NALCN: variants seen among roughly 807,000 people sequenced by gnomAD.
NALCN encodes sodium leak channel, non-selective, also known as sodium leak channel NALCN.
NALCN carries 111 observed loss-of-function variants against 225.3 expected under a neutral mutation model. The ratio of observed to expected loss-of-function variants is 0.49; its 90% confidence interval spans 0.42 to 0.58. NALCN has a LOEUF of 0.58. NALCN is among the 20% of genes least tolerant of loss of function. NALCN has a pLI of 0.00. For synonymous variants in NALCN, 764 were observed against 769.0 expected (o/e 0.99, Z 0.11); for missense variants, 1,378 against 2,202.4 (o/e 0.63, Z 7.49).
intron 10 of NALCN, among the ~76,000 whole-genome samples, chr13:101,272,099 ATGTG>A (rs1428359832): frequency 1.3e-5 from 2 of 150,678 alleles, no homozygotes; most frequent in Non-Finnish European, 3.0e-5. Flanking sequence ...ACGAGTGTGC[ATGTG>A]TGTGTCTGTG....
intron 3 of NALCN, among the ~76,000 whole-genome samples, chr13:101,394,886 G>T (rs868835040): frequency 3.3e-5 from 5 of 152,284 alleles, no homozygotes; most frequent in Middle Eastern, 6.8e-3. Flanking sequence ...TGTGGGCTCA[G>T]CCCTAAGTGG....
chr13:101,073,321 G>A (rs2033026958), intron 37 of NALCN, among the ~76,000 whole-genome samples: 1 of 152,112 alleles, frequency 6.6e-6, no homozygotes, highest in Non-Finnish European at 1.5e-5. Context: ...AAATATTAAA[G>A]ATGGGAGGGA....
At chr13:101,320,634 C>T (rs1462134594) in intron 7 of NALCN, among the ~76,000 whole-genome samples, 3 of 152,024 alleles carry the variant, frequency 2.0e-5, no homozygotes, top group South Asian at 2.1e-4. Context: ...TTCAAGACAC[C>T]GAGTATAAGG....
At chr13:101,305,537 C>A (rs1015180953) in intron 7 of NALCN, among the ~76,000 whole-genome samples, 1 of 152,160 alleles carries the variant, frequency 6.6e-6, no homozygotes, top group Non-Finnish European at 1.5e-5. Flanking sequence ...GAATTCACAA[C>A]TACCTCATAC....
intron 18 of NALCN, among the ~76,000 whole-genome samples, chr13:101,119,880 C>A (rs763383180): frequency 6.6e-6 from 1 of 152,152 alleles, no homozygotes; most frequent in Non-Finnish European, 1.5e-5. Flanking sequence ...GAATCATCTG[C>A]ATTTTAGCAT....
intron 1 of NALCN, among the ~76,000 whole-genome samples, chr13:101,410,288 A>G (rs1283816710): frequency 6.6e-6 from 1 of 152,200 alleles, no homozygotes; most frequent in Admixed American, 6.5e-5. Context: ...CACCTCTCCC[A>G]TCACTGTTTC....
intron 17 of NALCN, among the ~76,000 whole-genome samples, chr13:101,137,299 A>T (rs571985028): frequency 5.3e-5 from 8 of 149,782 alleles, no homozygotes; most frequent in South Asian, 4.2e-4. Flanking sequence ...GCCATTATTT[A>T]AAAAAAAAAT....
Position 101,414,338 on chromosome 13 carries a change from AC to A in NALCN, c.-40+1974del, listed in dbSNP as rs571721286. 3.9e-5 allele frequency among the ~76,000 whole-genome samples: 6 copies of A among 152,110 alleles called. No homozygotes were observed. In the East Asian group the frequency reaches 1.2e-3, roughly 29 times the overall value. ...AGTTTATCTCTTTTTCTCACTCACC[AC>A]CCAGCTTCTGGCCCAGTGCTTAGCT... On this transcript the variant is annotated intron_variant, in intron 1 of 43. Coordinates refer to ENST00000251127, the MANE Select transcript of NALCN (RefSeq NM_052867.4).
In NALCN at chr13:101,059,881, G is replaced by A. The variant is rs146606676; in HGVS notation, c.4842C>T (p.Ile1614=). 3.7e-5 allele frequency: 59 copies of A among 1,613,862 alleles called. No individual in the cohort carries two copies. Among genetic ancestry groups the A allele is most frequent in the Non-Finnish European group, 4.4e-5 (52 of 1,180,028 alleles). ...ELSRFLNPPS[I]ETTQPSEDTN... is the part of the protein sequence containing the mutation. ...TGTCCTCACTGGGCTGGGTGGTCTC[G>A]ATGCTGGGCGGGTTCAGAAACCGGC... The change falls in exon 42 of 44, where the codon ATC becomes ATT. Residue 1614 remains isoleucine, a synonymous_variant. Coordinates refer to ENST00000251127, the MANE Select transcript of NALCN (RefSeq NM_052867.4).
At chr13:101,198,893 A>G (rs1380250945) in intron 13 of NALCN, among the ~76,000 whole-genome samples, 2 of 152,152 alleles carry the variant, frequency 1.3e-5, no homozygotes, top group Non-Finnish European at 2.9e-5. Flanking sequence ...AACCAACCCA[A>G]ATGTCCAACA....
At chr13:101,388,023 T>C (rs1423924986) in intron 3 of NALCN, among the ~76,000 whole-genome samples, 1 of 152,212 alleles carries the variant, frequency 6.6e-6, no homozygotes, top group African/African-American at 2.4e-5. Context: ...GTATCTGTTA[T>C]GACATGCATG....
At chr13:101,281,394 G>C (rs1434572260) in intron 10 of NALCN, among the ~76,000 whole-genome samples, 1 of 152,096 alleles carries the variant, frequency 6.6e-6, no homozygotes. Context: ...CACATAGTTG[G>C]TACTCAGTAA....
chr13:101,193,307 T>A (rs1440301490), intron 13 of NALCN, among the ~76,000 whole-genome samples: 2 of 152,140 alleles, frequency 1.3e-5, no homozygotes, highest in African/African-American at 4.8e-5. Context: ...GTAATCTAAG[T>A]ATAATTTTCA....
At chr13:101,265,171 C>A (rs140960870) in intron 10 of NALCN, among the ~76,000 whole-genome samples, 1 of 152,170 alleles carries the variant, frequency 6.6e-6, no homozygotes, top group Admixed American at 6.5e-5. Flanking sequence ...GCATTGTCAA[C>A]GATTTTGACA....
chr13:101,196,096 A>T (rs1308538800), intron 13 of NALCN, among the ~76,000 whole-genome samples: 1 of 152,166 alleles, frequency 6.6e-6, no homozygotes, highest in African/African-American at 2.4e-5. Context: ...GGTTAAATGG[A>T]ACCTTCCTTA....
At chr13:101,130,802 G>T (rs967375233) in intron 17 of NALCN, among the ~76,000 whole-genome samples, 1 of 152,096 alleles carries the variant, frequency 6.6e-6, no homozygotes, top group Non-Finnish European at 1.5e-5. Context: ...CCTGTCATTT[G>T]TCTGGTGTAT....
intron 10 of NALCN, among the ~76,000 whole-genome samples, chr13:101,270,207 T>C (rs973854741): frequency 3.3e-5 from 5 of 152,206 alleles, no homozygotes; most frequent in African/African-American, 1.2e-4. Context: ...TTACCTGTAT[T>C]GTTGTGAGTT....
At chr13:101,172,518 C>G (rs1268632350) in intron 15 of NALCN, among the ~76,000 whole-genome samples, 1 of 152,154 alleles carries the variant, frequency 6.6e-6, no homozygotes, top group Admixed American at 6.5e-5. Context: ...CTTCCTCTTC[C>G]TCTGTTGAGC....
At chr13:101,349,695 G>C (rs1487517519) in intron 6 of NALCN, among the ~76,000 whole-genome samples, 1 of 152,088 alleles carries the variant, frequency 6.6e-6, no homozygotes, top group East Asian at 1.9e-4. Flanking sequence ...TCTGAGCTCT[G>C]TCTTTGACCT....
Sources: gnomAD v4.1 joint callset for allele counts (sites outside exome capture counted in the v4.1 genomes callset) on GRCh38, gnomAD v4.1.1 for gene constraint, MANE v1.5 for transcripts, NCBI Gene and HGNC (gene_info 2026-07-23, HGNC 2026-07-21) for gene names.